The following TMEM53 variants were observed in gnomAD, a reference collection of about 807,000 sequenced individuals.
The protein encoded by TMEM53 is novel DUF829 domain-containing protein.
TMEM53 carries 14 observed loss-of-function variants against 21.4 expected under a neutral mutation model. The ratio of observed to expected loss-of-function variants is 0.65; its 90% CI spans 0.43 to 1.02. The LOEUF (loss-of-function observed/expected upper bound fraction) is 1.02. TMEM53 is among the 50% of genes least tolerant of loss of function. TMEM53 has a pLI of 0.00. For synonymous variants in TMEM53, 148 were observed against 157.4 expected (o/e 0.94, Z 0.45); for missense variants, 323 against 383.6 (o/e 0.84, Z 1.32).
In TMEM53 at chr1:44,654,802, G is replaced by C; in HGVS notation, c.591C>G (p.Thr197=). ...LLAPITALFH[T]HFYDRLQDAG... The stretch of plus-strand genomic sequence containing the variant: ...CGTCCTGTAGCCTGTCATAGAAGTG[G>C]GTGTGGAAGAGGGCTGTGATGGGAG... The change falls in exon 3 of 3, where the codon ACC becomes ACG. Residue 197 remains threonine, a synonymous_variant. Transcript: ENST00000372237. The surrounding 1 kb of genome is among the most constrained non-coding windows in gnomAD (Gnocchi z 7.0). 1 of 1,613,820 alleles carries C rather than the reference G, an allele frequency of 6.2e-7. No homozygotes were observed. The highest frequency in any genetic ancestry group is 8.5e-7 in the Non-Finnish European group (1 of 1,180,032).
chr1:44,669,898 A>C (rs902931013), intron 1 of TMEM53, among the ~76,000 whole-genome samples: 14 of 151,478 alleles, frequency 9.2e-5, no homozygotes, highest in African/African-American at 3.4e-4. Context: ...TCCCAGGTTC[A>C]AGCGATTCTC....
At chr1:44,665,095 C>G (rs752322838) in intron 1 of TMEM53, among the ~76,000 whole-genome samples, 2 of 152,048 alleles carry the variant, frequency 1.3e-5, no homozygotes. Context: ...CACCACCCCC[C>G]ACCCCAAACC....
chr1:44,665,686 GAAA>G (rs1644943161), intron 1 of TMEM53, among the ~76,000 whole-genome samples: 1 of 147,626 alleles, frequency 6.8e-6, no homozygotes. Flanking sequence ...CCACTTATAA[GAAA>G]GAAAAACGTT....
At position 44,655,153 on chromosome 1, in the gene TMEM53, T is replaced by G; in HGVS notation, c.240A>C (p.Ser80=). ...AAACACGAAGTGAAGGGATACCCAG[T>G]GACTCGGAGAAGAAGACCATGTGCC... The part of the protein sequence containing the change: ...APWHMVFFSE[S]LGIPSLRVLA... Residue 80 remains serine (S), a synonymous_variant, in exon 3 of 3, where the codon TCA becomes TCC. Coordinates refer to ENST00000372237, the MANE Select transcript of TMEM53 (RefSeq NM_024587.4). The surrounding 1 kb of genome is among the most constrained non-coding windows in gnomAD (Gnocchi z 4.4). The G allele has an allele frequency of 3.1e-6, 5 of 1,613,866 alleles. No individual in the cohort carries two copies. Among genetic ancestry groups the G allele is most frequent in the Non-Finnish European group, 4.2e-6 (5 of 1,179,908 alleles).
At chr1:44,665,955 G>A (rs1433925591) in intron 1 of TMEM53, among the ~76,000 whole-genome samples, 5 of 150,726 alleles carry the variant, frequency 3.3e-5, no homozygotes, top group African/African-American at 1.2e-4. Flanking sequence ...ACAGCATGGA[G>A]AAAATATTTG....
intron 2 of TMEM53, among the ~76,000 whole-genome samples, chr1:44,658,935 C>T (rs1008304840): frequency 3.9e-5 from 6 of 152,160 alleles, no homozygotes; most frequent in African/African-American, 9.7e-5. Flanking sequence ...CACCTCTTGC[C>T]GGGTACCTGT....
At chr1:44,673,291 T>A (rs1235882050) in intron 1 of TMEM53, among the ~76,000 whole-genome samples, 4 of 152,120 alleles carry the variant, frequency 2.6e-5, no homozygotes, top group Non-Finnish European at 4.4e-5. Flanking sequence ...CTGGGAAGGC[T>A]CTCCTTAAGG....
At chr1:44,661,151 G>A (rs980627167) in intron 1 of TMEM53, among the ~76,000 whole-genome samples, 8 of 152,080 alleles carry the variant, frequency 5.3e-5, no homozygotes, top group African/African-American at 1.7e-4. Context: ...AAGATCGAGC[G>A]ACTCACAAAG....
At position 44,674,428 on chromosome 1, in the gene TMEM53, G is replaced by C; in HGVS notation, c.-37C>G. ...CGGCCCAGAGCACGGGTCTCCAGCC[G>C]GAACTCCCGCTTGCGCACCCGTGCC... On this transcript the variant is annotated 5_prime_UTR_variant, in exon 1 of 3. Coordinates refer to ENST00000372237, the MANE Select transcript of TMEM53 (RefSeq NM_024587.4). 9.4e-6 allele frequency: 15 copies of C among 1,589,410 alleles called. No homozygotes were observed. Among genetic ancestry groups the C allele is most frequent in the Non-Finnish European group, 1.3e-5 (15 of 1,168,658 alleles).
chr1:44,661,117 ACAG>A (rs1404654526), intron 1 of TMEM53, among the ~76,000 whole-genome samples: 8 of 152,254 alleles, frequency 5.3e-5, no homozygotes, highest in African/African-American at 1.9e-4. Flanking sequence ...TACACTAAGA[ACAG>A]CAGAGTAGAG....
At chr1:44,674,150 G>A in intron 1 of TMEM53, 181 bp downstream of exon 1, 1 of 985,424 alleles carries the variant, frequency 1.0e-6, no homozygotes, top group Non-Finnish European at 1.2e-6. Flanking sequence ...AACACTCTGG[G>A]GCGGGACTTA....
At chr1:44,663,912 GCA>G (rs1197555803) in intron 1 of TMEM53, among the ~76,000 whole-genome samples, 1 of 152,170 alleles carries the variant, frequency 6.6e-6, no homozygotes, top group Non-Finnish European at 1.5e-5. Flanking sequence ...TGTAATCCCA[GCA>G]CTTTGGGAGG....
Position 44,674,408 on chromosome 1 carries a change from C to G in TMEM53, c.-17G>C. The G allele has an allele frequency of 6.2e-7, 1 of 1,607,250 alleles. No homozygotes were observed. The highest frequency in any genetic ancestry group is 1.1e-5 in the South Asian group (1 of 90,562). On this transcript the variant is annotated 5_prime_UTR_variant, in exon 1 of 3. Transcript: ENST00000372237. ...CGAGGCCATGGTGAAGGCGCCGGCC[C>G]AGAGCACGGGTCTCCAGCCGGAACT...
rs1210365120 is a variant in TMEM53, at chr1:44,665,176, A to G, written c.62-4881T>C. ...ACCACCACACCACTGCACTTAACAC[A>G]CACTATACTGACATCATCAGGAACA... On this transcript the variant is annotated intron_variant, in intron 1 of 2. Coordinates refer to ENST00000372237, the MANE Select transcript of TMEM53 (RefSeq NM_024587.4). 5.3e-5 allele frequency among the ~76,000 whole-genome samples: 8 copies of G among 151,048 alleles called. No homozygotes were observed. In the South Asian group the frequency reaches 1.7e-3, roughly 32 times the overall value.
At chr1:44,658,783 C>G (rs1236510464) in intron 2 of TMEM53, among the ~76,000 whole-genome samples, 1 of 152,126 alleles carries the variant, frequency 6.6e-6, no homozygotes, top group Admixed American at 6.5e-5. Context: ...AACTCCTGAC[C>G]TCAAGTGATC....
At chr1:44,665,663 T>G (rs1040635702) in intron 1 of TMEM53, among the ~76,000 whole-genome samples, 1 of 151,854 alleles carries the variant, frequency 6.6e-6, no homozygotes, top group African/African-American at 2.4e-5. Context: ...ATGCAATCTT[T>G]GACTTGGTAA....
intron 1 of TMEM53, among the ~76,000 whole-genome samples, chr1:44,669,845 C>T (rs977177824): frequency 4.7e-5 from 7 of 148,056 alleles, no homozygotes; most frequent in African/African-American, 1.8e-4. Flanking sequence ...GTTACCTAGG[C>T]TGGAGTGCAA....
chr1:44,669,947 C>T (rs936209863), intron 1 of TMEM53, among the ~76,000 whole-genome samples: 2 of 151,762 alleles, frequency 1.3e-5, no homozygotes, highest in Non-Finnish European at 2.9e-5. Context: ...TATAGGCATG[C>T]GCCACCACAC....
intron 1 of TMEM53, among the ~76,000 whole-genome samples, chr1:44,663,812 C>G (rs1644922600): frequency 6.6e-6 from 1 of 152,162 alleles, no homozygotes; most frequent in African/African-American, 2.4e-5. Flanking sequence ...AAAACTTCTC[C>G]AGCAAAAAGT....
Sources: allele counts gnomAD v4.1 joint callset (sites outside exome capture counted in the v4.1 genomes callset), GRCh38; gene constraint gnomAD v4.1.1; non-coding constraint Gnocchi (gnomAD v3.1); transcripts MANE v1.5; gene names NCBI Gene and HGNC (gene_info 2026-07-23, HGNC 2026-07-21).